Variants in ADGRA2 observed in about 807,000 individuals in gnomAD.
The protein encoded by ADGRA2 is G-protein coupled receptor 124.
Under a neutral mutation model 98.7 loss-of-function variants are expected in ADGRA2, and 61 were observed. That is an observed-to-expected ratio of 0.62 (90% CI 0.50 to 0.76). The LOEUF (loss-of-function observed/expected upper bound fraction) is 0.76, where lower values mean the gene tolerates loss of function less well. Ranked by LOEUF, ADGRA2 falls within the 30% of genes least tolerant of loss-of-function variation. The pLI, the probability that ADGRA2 is intolerant of heterozygous loss-of-function variation, is 0.00. For synonymous variants in ADGRA2, 858 were observed against 831.5 expected, an observed-to-expected ratio of 1.03 and a Z score of -0.55; for missense variants, 1,712 against 1,860.0, an observed-to-expected ratio of 0.92 and a Z score of 1.46.
intron 15 of ADGRA2, 102 bp from the exon 16 acceptor site, chr8:37,839,397 G>C (rs890659623): frequency 3.9e-6 from 6 of 1,531,024 alleles, no homozygotes; most frequent in Admixed American, 3.9e-5. Flanking sequence ...ATTCACACAC[G>C]CAGATATGTG....
intron 15 of ADGRA2, 71 bp downstream of exon 15, chr8:37,839,154 G>T (rs776367743): frequency 2.6e-6 from 4 of 1,563,668 alleles, no homozygotes; most frequent in Admixed American, 3.3e-5. Context: ...TCCACTTCCC[G>T]TCCTATGCTC....
At chr8:37,806,516 T>TTTC (rs1396916821) in intron 1 of ADGRA2, among the ~76,000 whole-genome samples, 6 of 134,448 alleles carry the variant, frequency 4.5e-5, no homozygotes, top group African/African-American at 2.0e-4. Context: ...TCTTTTTCTT[T>TTTC]TTTCTTTTTC....
At chr8:37,801,446 T>G (rs1278652183) in intron 1 of ADGRA2, among the ~76,000 whole-genome samples, 2 of 151,970 alleles carry the variant, frequency 1.3e-5, no homozygotes, top group African/African-American at 4.8e-5. Flanking sequence ...GGGAGGAAGG[T>G]GCAGACCACT....
chr8:37,830,126 A>G lies in ADGRA2; in HGVS notation c.718+112A>G. On this transcript the variant is annotated intron_variant, in intron 6 of 18. Coordinates refer to ENST00000412232, the MANE Select transcript of ADGRA2 (RefSeq NM_032777.10). The surrounding 1 kb of genome is among the most constrained non-coding windows in gnomAD (Gnocchi z 4.8). Reference sequence around the variant, plus strand: ...CACAGGTTTTTACCTTTGTATTGCAATTTGCAAAAGACCACGACACTGAGT... The same window carrying G: ...CACAGGTTTTTACCTTTGTATTGCAGTTTGCAAAAGACCACGACACTGAGT... The G allele has an allele frequency of 1.5e-6, 1 of 661,608 alleles. No individual in the cohort carries two copies. Among genetic ancestry groups the G allele is most frequent in the Non-Finnish European group, 2.4e-6 (1 of 409,688 alleles). 41.0% of individuals were successfully genotyped at this position (661,608 alleles called of 1,614,324 possible).
Position 37,841,895 on chromosome 8 carries a change from G to A in ADGRA2, c.3557G>A (p.Arg1186Gln), listed in dbSNP as rs1220082644. The change falls in exon 19 of 19, where the codon CGG becomes CAG. Residue 1186 changes from arginine to glutamine, a missense_variant. Transcript: ENST00000412232. The surrounding 1 kb of genome is among the most constrained non-coding windows in gnomAD (Gnocchi z 5.0). The part of the protein sequence containing the change: ...VHHGRRAHKS[R>Q]AKGHRAGEAC... ...CACGGGCGTCGGGCGCACAAGAGCC[G>A]GGCCAAGGGACACCGCGCGGGGGAG... is the stretch of plus-strand genomic sequence containing the variant. 3.9e-6 allele frequency: 6 copies of A among 1,533,546 alleles called. No individual in the cohort carries two copies. Among genetic ancestry groups the A allele is most frequent in the African/African-American group, 2.8e-5 (2 of 72,302 alleles). The allele number at this position is 1,533,546 out of a possible 1,614,324, so 95.0% of individuals were successfully genotyped here. A position where few individuals can be genotyped will look rare whatever the true frequency, so the allele number is the denominator to read the frequency against.
At position 37,814,655 on chromosome 8, in the gene ADGRA2, G is replaced by A. The variant is rs1355301674; in HGVS notation, c.267-241G>A. ...TCAGCCCACCTCCCACCTGCACACAGAGCCCCACGTCAGAGCCAGGCTTGG... is the reference window on the plus strand; with the variant it reads ...TCAGCCCACCTCCCACCTGCACACAAAGCCCCACGTCAGAGCCAGGCTTGG... On this transcript the variant is annotated intron_variant, in intron 1 of 18. Transcript: ENST00000412232. This position sits in a 1 kb window ranked among gnomAD's most constrained non-coding sequence, Gnocchi z 4.3. Among the ~76,000 whole-genome samples the A allele has an allele frequency of 6.6e-6, 1 of 152,236 alleles. No individual in the cohort carries two copies. Among genetic ancestry groups the A allele is most frequent in the African/African-American group, 2.4e-5 (1 of 41,468 alleles).
intron 1 of ADGRA2, among the ~76,000 whole-genome samples, chr8:37,801,136 G>A (rs912273221): frequency 2.0e-5 from 3 of 152,158 alleles, no homozygotes; most frequent in African/African-American, 7.2e-5. Context: ...CGCATGGAAA[G>A]CCCTCCCGCC....
At chr8:37,832,750 C>T (rs1230005092) in intron 8 of ADGRA2, among the ~76,000 whole-genome samples, 10 of 152,186 alleles carry the variant, frequency 6.6e-5, no homozygotes, top group Admixed American at 6.5e-4. Flanking sequence ...GGATAAATAC[C>T]TTGCCTTAAG....
At chr8:37,823,952 A>T (rs1038014964) in intron 2 of ADGRA2, among the ~76,000 whole-genome samples, 1 of 152,106 alleles carries the variant, frequency 6.6e-6, no homozygotes, top group Non-Finnish European at 1.5e-5. Context: ...CTAGATAGAC[A>T]TCCCTTATCA....
intron 15 of ADGRA2, 170 bp from the exon 16 acceptor site, chr8:37,839,329 G>T: frequency 4.7e-6 from 4 of 847,216 alleles, no homozygotes; most frequent in Non-Finnish European, 5.7e-6. Context: ...ATTGGGGTTG[G>T]AATCACTTTG....
intron 2 of ADGRA2, among the ~76,000 whole-genome samples, chr8:37,818,793 G>A (rs1243858863): frequency 2.0e-5 from 3 of 152,206 alleles, no homozygotes; most frequent in African/African-American, 7.2e-5. Context: ...AGAAAAACAA[G>A]GCAGGGTAAG....
chr8:37,836,095 A>AC (rs1048991683), intron 13 of ADGRA2, among the ~76,000 whole-genome samples: 1 of 109,264 alleles, frequency 9.2e-6, no homozygotes, highest in African/African-American at 4.0e-5. Context: ...ACACACACAC[A>AC]CACCCCACAG....
At chr8:37,807,584 C>T (rs1382407810) in intron 1 of ADGRA2, among the ~76,000 whole-genome samples, 1 of 152,158 alleles carries the variant, frequency 6.6e-6, no homozygotes, top group Non-Finnish European at 1.5e-5. Flanking sequence ...AAAGGCACAG[C>T]GGCTGCAGGG....
At position 37,842,097 on chromosome 8, in the gene ADGRA2, C is replaced by T. The variant is rs1296768624; in HGVS notation, c.3759C>T (p.Ser1253=). ...QLEGEPMLTP[S]EGSDTSAAPL... is the part of the protein sequence containing the mutation. ...AAGGCGAGCCCATGCTCACGCCGTC[C>T]GAGGGCAGCGACACCAGCGCCGCGC... is the stretch of plus-strand genomic sequence containing the variant. The change falls in exon 19 of 19, where the codon TCC becomes TCT. Residue 1253 remains serine, a synonymous_variant. Coordinates refer to ENST00000412232, the MANE Select transcript of ADGRA2 (RefSeq NM_032777.10). 6 of 1,509,818 alleles carry T rather than the reference C, an allele frequency of 4.0e-6. No homozygotes were observed. The highest frequency in any genetic ancestry group is 2.1e-5 in the Admixed American group (1 of 47,070). 93.5% of individuals were successfully genotyped at this position (1,509,818 alleles called of 1,614,324 possible).
chr8:37,831,215 T>C lies in ADGRA2; in HGVS notation c.933-208T>C, dbSNP rs2070494. ...CTACAGTAGACCTGCAAGAGAGATA[T>C]TATTGGCTCCATGATAAGGATGGGG... On this transcript the variant is annotated intron_variant, in intron 7 of 18. Transcript: ENST00000412232. Among the ~76,000 whole-genome samples the C allele has an allele frequency of 9.6e-3, 1,455 of 152,330 alleles. 63 individuals carry two copies. In the East Asian group the frequency reaches 0.11, roughly 11 times the overall value.
intron 8 of ADGRA2, 36 bp downstream of exon 8, chr8:37,831,623 C>G: frequency 6.3e-7 from 1 of 1,593,576 alleles, no homozygotes; most frequent in Non-Finnish European, 8.6e-7. Context: ...GGCTGCCCAG[C>G]CCCCAACCCC....
chr8:37,830,632 C>CCA lies in ADGRA2; in HGVS notation c.719-77_719-76insAC. On this transcript the variant is annotated intron_variant, in intron 6 of 18. Coordinates refer to ENST00000412232, the MANE Select transcript of ADGRA2 (RefSeq NM_032777.10). The surrounding 1 kb of genome is among the most constrained non-coding windows in gnomAD (Gnocchi z 4.8). The stretch of plus-strand genomic sequence containing the variant: ...AGGGCCCCGCCCCGCCCCACCCCAT[C>CCA]CTGCTGGACTCTCGCTCACACGTGC... 18 of 419,022 alleles carry CCA rather than the reference C, an allele frequency of 4.3e-5. No homozygotes were observed. The highest frequency in any genetic ancestry group is 7.6e-5 in the East Asian group (1 of 13,132). 26.0% of individuals were successfully genotyped at this position (419,022 alleles called of 1,614,324 possible).
chr8:37,837,802 C>A lies in ADGRA2; in HGVS notation c.2122C>A (p.Pro708Thr), dbSNP rs1346166701. Residue 708 changes from proline to threonine, a missense_variant, in exon 14 of 19, where the codon CCT becomes ACT. Coordinates refer to ENST00000412232, the MANE Select transcript of ADGRA2 (RefSeq NM_032777.10). Reference sequence around the variant, plus strand: ...GCGGCACTGGGCTGAGGGAGCCGAACCTGTGGCCGCTTGGTGGAGCCAGGA... The same window carrying A: ...GCGGCACTGGGCTGAGGGAGCCGAAACTGTGGCCGCTTGGTGGAGCCAGGA... ...SLRHWAEGAE[P>T]VAAWWSQEGP... is the part of the protein sequence containing the mutation. 1 of 1,546,220 alleles carries A rather than the reference C, an allele frequency of 6.5e-7. No individual in the cohort carries two copies. The highest frequency in any genetic ancestry group is 8.7e-7 in the Non-Finnish European group (1 of 1,144,560).
rs559783207 is a variant in ADGRA2, at chr8:37,830,983, C to T, written c.932+60C>T. The T allele has an allele frequency of 2.2e-5, 28 of 1,260,302 alleles. No individual in the cohort carries two copies. The African/African-American group carries it at 3.1e-4, about 14-fold the overall frequency. The allele number at this position is 1,260,302 out of a possible 1,614,324, so 78.1% of individuals were successfully genotyped here. A position where few individuals can be genotyped will look rare whatever the true frequency, so the allele number is the denominator to read the frequency against. On this transcript the variant is annotated intron_variant, in intron 7 of 18. Transcript: ENST00000412232. The surrounding 1 kb of genome is among the most constrained non-coding windows in gnomAD (Gnocchi z 4.8). ...ATGGGGTTAGGGGACCTACCCTACC[C>T]GTCACCACCCCGCAAAAGAGCTGCC...
Sources: allele counts gnomAD v4.1 joint callset (sites outside exome capture counted in the v4.1 genomes callset), GRCh38; gene constraint gnomAD v4.1.1; non-coding constraint Gnocchi (gnomAD v3.1); transcripts MANE v1.5; gene names NCBI Gene and HGNC (gene_info 2026-07-23, HGNC 2026-07-21).